The following NSL1 variants were observed in gnomAD, a reference collection of about 807,000 sequenced individuals.
NSL1 encodes kinetochore-associated protein NSL1 homolog.
In NSL1, 11 loss-of-function variants were observed where a neutral mutation model predicts 25.4. That is an observed-to-expected ratio of 0.43 (90% CI 0.27 to 0.72). The LOEUF is 0.72. Among genes scored for constraint, NSL1 ranks in the 30% least tolerant of loss-of-function variants. The pLI is 0.19. For missense variants in NSL1, 330 were observed against 342.7 expected (o/e 0.96, Z 0.29); for synonymous variants, 118 against 120.6 (o/e 0.98, Z 0.14).
At chr1:212,754,386 G>C (rs1361178486) in intron 4 of NSL1, among the ~76,000 whole-genome samples, 1 of 152,162 alleles carries the variant, frequency 6.6e-6, no homozygotes, top group African/African-American at 2.4e-5. Context: ...GGTGTTCGAA[G>C]TGCTCCAGAA....
rs1269641338 is a variant in NSL1 at position 212,735,889 on chromosome 1, GAAGT to G, written c.*2515_*2518del. On this transcript the variant is annotated 3_prime_UTR_variant, in exon 6 of 6. Transcript: ENST00000366977. ...GGACTTCTAGCCTCCAGAACTGTGAGAAGTAAGTATCTGTTGTTTAAGCCACCCA... is the reference window on the plus strand; with the variant it reads ...GGACTTCTAGCCTCCAGAACTGTGAGAAGTATCTGTTGTTTAAGCCACCCA... 2.2e-6 allele frequency: 2 copies of G among 928,402 alleles called. No individual in the cohort carries two copies. The highest frequency in any genetic ancestry group is 2.6e-6 in the Non-Finnish European group (2 of 778,070). 57.5% of individuals were successfully genotyped at this position (928,402 alleles called of 1,614,324 possible).
At chr1:212,764,048 A>C (rs1452620562) in intron 4 of NSL1, 2 of 438,230 alleles carry the variant, frequency 4.6e-6, no homozygotes, top group African/African-American at 4.1e-5. Flanking sequence ...AGTCTCAATA[A>C]ATTTAAGAAA....
At chr1:212,776,258 G>A (rs1366127127) in intron 4 of NSL1, among the ~76,000 whole-genome samples, 7 of 152,118 alleles carry the variant, frequency 4.6e-5, no homozygotes, top group Non-Finnish European at 8.8e-5. Flanking sequence ...AGCTACTTGG[G>A]AGGCTGAGGC....
chr1:212,788,328 ACTTG>A (rs1284342486), intron 1 of NSL1, among the ~76,000 whole-genome samples: 1 of 152,204 alleles, frequency 6.6e-6, no homozygotes, highest in Non-Finnish European at 1.5e-5. Context: ...CTAGAGGATT[ACTTG>A]AGCCCAGTGG....
chr1:212,789,527 A>G (rs1444015649), intron 1 of NSL1, among the ~76,000 whole-genome samples: 7 of 152,220 alleles, frequency 4.6e-5, no homozygotes, highest in Non-Finnish European at 1.0e-4. Flanking sequence ...ATGTTTTAAA[A>G]TTATTTTCTA....
chr1:212,782,663 G>A (rs1413442873), intron 3 of NSL1, among the ~76,000 whole-genome samples: 1 of 152,120 alleles, frequency 6.6e-6, no homozygotes, highest in African/African-American at 2.4e-5. Context: ...CCATAAAAAA[G>A]TATAATCAGA....
chr1:212,772,119 T>G (rs192595699), intron 4 of NSL1, among the ~76,000 whole-genome samples: 25 of 152,316 alleles, frequency 1.6e-4, no homozygotes, highest in East Asian at 9.6e-4. Flanking sequence ...GCCATGATTG[T>G]GAGGCCTCCT....
intron 4 of NSL1, among the ~76,000 whole-genome samples, chr1:212,779,901 G>A (rs1387736395): frequency 1.4e-5 from 2 of 146,068 alleles, no homozygotes; most frequent in Non-Finnish European, 3.0e-5. Context: ...CCCCCCGCCC[G>A]AACAGCCACC....
chr1:212,757,389 C>A (rs1001092190), intron 4 of NSL1, among the ~76,000 whole-genome samples: 1 of 152,114 alleles, frequency 6.6e-6, no homozygotes, highest in Non-Finnish European at 1.5e-5. Context: ...AAAAGTAGAA[C>A]TGGATGGAAG....
chr1:212,773,480 A>C (rs1660218270), intron 4 of NSL1, among the ~76,000 whole-genome samples: 1 of 152,224 alleles, frequency 6.6e-6, no homozygotes, highest in Non-Finnish European at 1.5e-5. Context: ...AATCACAATG[A>C]GTTATCAACT....
At position 212,735,309 on chromosome 1, in the gene NSL1, C is replaced by T. The variant is rs1202731212; in HGVS notation, c.*3099G>A. On this transcript the variant is annotated 3_prime_UTR_variant, in exon 6 of 6. Coordinates refer to ENST00000366977, the MANE Select transcript of NSL1 (RefSeq NM_015471.4). ...CTCTTAAGATCTCTGACTTTTGATC[C>T]GAGTAGGTGTCCAACTGTATGTGTT... 1.5e-5 allele frequency: 15 copies of T among 985,084 alleles called. No homozygotes were observed. Among genetic ancestry groups the T allele is most frequent in the South Asian group, 4.7e-5 (1 of 21,276 alleles). 61.0% of individuals were successfully genotyped at this position (985,084 alleles called of 1,614,324 possible). A position where few individuals can be genotyped will look rare whatever the true frequency, so the allele number is the denominator to read the frequency against.
intron 4 of NSL1, among the ~76,000 whole-genome samples, chr1:212,751,378 G>T (rs1571878002): frequency 6.6e-6 from 1 of 152,274 alleles, no homozygotes; most frequent in Middle Eastern, 3.4e-3. Context: ...CAGAAGCTGA[G>T]AAATGTATCT....
At chr1:212,747,577 T>G (rs1658863265) in intron 4 of NSL1, among the ~76,000 whole-genome samples, 1 of 152,240 alleles carries the variant, frequency 6.6e-6, no homozygotes, top group South Asian at 2.1e-4. Context: ...ACTACCCAGC[T>G]AAGCTGCTAT....
intron 4 of NSL1, among the ~76,000 whole-genome samples, chr1:212,746,594 C>T (rs887625587): frequency 6.6e-6 from 1 of 152,044 alleles, no homozygotes; most frequent in Non-Finnish European, 1.5e-5. Context: ...AGTTGGCAAA[C>T]GGATAAGAAA....
At chr1:212,773,580 T>C (rs1660221574) in intron 4 of NSL1, among the ~76,000 whole-genome samples, 1 of 152,262 alleles carries the variant, frequency 6.6e-6, no homozygotes, top group African/African-American at 2.4e-5. Context: ...TTAGACATTG[T>C]TGGTCAGAAT....
Position 212,735,303 on chromosome 1 carries a change from T to C in NSL1, c.*3105A>G, listed in dbSNP as rs1658187530. The C allele has an allele frequency of 2.0e-6, 2 of 985,324 alleles. No individual in the cohort carries two copies. Among genetic ancestry groups the C allele is most frequent in the Non-Finnish European group, 2.4e-6 (2 of 829,846 alleles). 61.0% of individuals were successfully genotyped at this position (985,324 alleles called of 1,614,324 possible). A position where few individuals can be genotyped will look rare whatever the true frequency, so the allele number is the denominator to read the frequency against. Reference sequence around the variant, plus strand: ...GCTGTGCTCTTAAGATCTCTGACTTTTGATCCGAGTAGGTGTCCAACTGTA... The same window carrying C: ...GCTGTGCTCTTAAGATCTCTGACTTCTGATCCGAGTAGGTGTCCAACTGTA... On this transcript the variant is annotated 3_prime_UTR_variant, in exon 6 of 6. Transcript: ENST00000366977.
intron 4 of NSL1, among the ~76,000 whole-genome samples, chr1:212,773,409 T>G (rs77868793): frequency 0.02 from 3,019 of 152,038 alleles, 114 homozygotes; most frequent in African/African-American, 0.07. Flanking sequence ...GACATGCAAA[T>G]AGCCAAAAGA....
At chr1:212,754,313 G>T (rs990360641) in intron 4 of NSL1, among the ~76,000 whole-genome samples, 40 of 152,218 alleles carry the variant, frequency 2.6e-4, no homozygotes, top group Non-Finnish European at 4.6e-4. Flanking sequence ...TGCAAGTCAG[G>T]CTAAAGCTGC....
At position 212,727,376 on chromosome 1, in the gene NSL1, A is replaced by G. The variant is rs1657832236; in HGVS notation, c.*11032T>C. ...CACATGGCAGGAAGGTCACTTAACC[A>G]GGGAAATAAGTATCAGTCAAGTTAA... On this transcript the variant is annotated 3_prime_UTR_variant, in exon 6 of 6. Transcript: ENST00000366977. 1 of 985,282 alleles carries G rather than the reference A, an allele frequency of 1.0e-6. No individual in the cohort carries two copies. The highest frequency in any genetic ancestry group is 1.2e-6 in the Non-Finnish European group (1 of 829,892). The allele number at this position is 985,282 out of a possible 1,614,324, so 61.0% of individuals were successfully genotyped here. A position where few individuals can be genotyped will look rare whatever the true frequency, so the allele number is the denominator to read the frequency against.
Sources: gnomAD v4.1 joint callset for allele counts (sites outside exome capture counted in the v4.1 genomes callset) on GRCh38, gnomAD v4.1.1 for gene constraint, MANE v1.5 for transcripts, NCBI Gene and HGNC (gene_info 2026-07-23, HGNC 2026-07-21) for gene names.